EPHX2: variants seen among roughly 807,000 people sequenced by gnomAD.
The protein encoded by EPHX2 is bifunctional epoxide hydrolase 2.
EPHX2 carries 74 observed loss-of-function variants against 78.7 expected under a neutral mutation model. That is an observed-to-expected ratio of 0.94 (90% CI 0.78 to 1.14). EPHX2 has a LOEUF of 1.14. Among genes scored for constraint, EPHX2 ranks in the 50% most tolerant of loss-of-function variants. The probability of loss-of-function intolerance (pLI) is 0.00; values close to 1 mark genes in which losing one functional copy is unlikely to be tolerated. For missense variants in EPHX2, 715 were observed against 702.5 expected, an observed-to-expected ratio of 1.02 and a Z score of -0.20; for synonymous variants, 251 against 255.2, an observed-to-expected ratio of 0.98 and a Z score of 0.16.
rs762916759 is a variant in EPHX2 at position 27,503,795 on chromosome 8, G to A, written c.346+32G>A. Reference sequence around the variant, plus strand: ...ATCTGATACTGGCCAATCTCAGGCCGAACCACCCAGAACCCTCGGGAGCAT... The same window carrying A: ...ATCTGATACTGGCCAATCTCAGGCCAAACCACCCAGAACCCTCGGGAGCAT... On this transcript the variant is annotated intron_variant, in intron 3 of 18. Transcript: ENST00000521400. 2.1e-5 allele frequency: 33 copies of A among 1,589,940 alleles called. 1 individual carries two copies. Among genetic ancestry groups the A allele is most frequent in the South Asian group, 1.3e-4 (12 of 90,280 alleles).
intron 6 of EPHX2, 139 bp downstream of exon 6, chr8:27,512,049 G>A (rs1814270617): frequency 7.3e-6 from 5 of 682,246 alleles, no homozygotes; most frequent in Admixed American, 2.1e-5. Context: ...AGTGAGCTGT[G>A]ATCACACCAC....
intron 1 of EPHX2, among the ~76,000 whole-genome samples, chr8:27,492,535 T>TA (rs1813416695): frequency 6.6e-6 from 1 of 152,022 alleles, no homozygotes; most frequent in African/African-American, 2.4e-5. Flanking sequence ...CAGTGAGTGT[T>TA]ACACTCGTAA....
intron 4 of EPHX2, among the ~76,000 whole-genome samples, chr8:27,506,145 T>A (rs922782991): frequency 6.6e-6 from 1 of 152,138 alleles, no homozygotes; most frequent in African/African-American, 2.4e-5. Context: ...CATACCACCA[T>A]GCATGGCTAA....
At chr8:27,534,155 A>G (rs1387757320) in intron 12 of EPHX2, among the ~76,000 whole-genome samples, 1 of 152,204 alleles carries the variant, frequency 6.6e-6, no homozygotes, top group Non-Finnish European at 1.5e-5. Context: ...ATTCATCATC[A>G]TGTTGCGGAA....
rs143796887 is a variant in EPHX2, at chr8:27,534,288, T to A, written c.1171-2496T>A. Among the ~76,000 whole-genome samples, 273 of 152,290 alleles carry A rather than the reference T, an allele frequency of 1.8e-3. 1 individual carries two copies. Among genetic ancestry groups the A allele is most frequent in the South Asian group, 0.015 (72 of 4,824 alleles). The stretch of plus-strand genomic sequence containing the variant: ...ATCCAGCACCGCCAGATGATCAATG[T>A]CTCCATTCTTCTGTGCTGCCACTGC... On this transcript the variant is annotated intron_variant, in intron 12 of 18. Coordinates refer to ENST00000521400, the MANE Select transcript of EPHX2 (RefSeq NM_001979.6).
chr8:27,542,822 A>G (rs1367927459), intron 16 of EPHX2, among the ~76,000 whole-genome samples: 10 of 152,000 alleles, frequency 6.6e-5, no homozygotes, highest in African/African-American at 2.4e-4. Context: ...TTTGTGTTTT[A>G]GTAGAGATGG....
At chr8:27,532,113 C>T (rs1255998265) in intron 12 of EPHX2, among the ~76,000 whole-genome samples, 2 of 152,114 alleles carry the variant, frequency 1.3e-5, no homozygotes, top group African/African-American at 2.4e-5. Context: ...CCCCACCCTG[C>T]GGTTGGCACA....
intron 5 of EPHX2, among the ~76,000 whole-genome samples, chr8:27,509,215 G>T (rs368657680): frequency 1.6e-3 from 250 of 152,044 alleles, no homozygotes; most frequent in African/African-American, 5.4e-3. Flanking sequence ...CTTCCTTTTT[G>T]GGATAGAATA....
In EPHX2 at chr8:27,525,415, C is replaced by A. The variant is rs1421966809; in HGVS notation, c.1112C>A (p.Pro371His). Residue 371 changes from proline (P) to histidine (H), a missense_variant, in exon 12 of 19, where the codon CCT becomes CAT. By Grantham distance (77) the Pro-to-His change is moderately conservative. Coordinates refer to ENST00000521400, the MANE Select transcript of EPHX2 (RefSeq NM_001979.6). ...ATACCAGCAAATCCCAACATGTCCC[C>A]TTTGGAGAGTATCAAAGCCAACCCA... Reference protein sequence around the residue: ...PFIPANPNMSPLESIKANPVF... With the variant: ...PFIPANPNMSHLESIKANPVF... The A allele has an allele frequency of 6.2e-7, 1 of 1,614,156 alleles. No individual in the cohort carries two copies. Among genetic ancestry groups the A allele is most frequent in the Admixed American group, 1.7e-5 (1 of 60,018 alleles).
chr8:27,525,368 G>A lies in EPHX2; in HGVS notation c.1065G>A (p.Val355=). Residue 355 remains valine, a synonymous_variant, in exon 12 of 19, where the codon GTG becomes GTA. Transcript: ENST00000521400. ...ALFYPERVRA[V]ASLNTPFIPA... ...CTGCCTCTTATTTCTGTAGGGCGGT[G>A]GCCAGTTTGAATACTCCCTTCATAC... The A allele has an allele frequency of 6.2e-7, 1 of 1,613,982 alleles. No individual in the cohort carries two copies. Among genetic ancestry groups the A allele is most frequent in the East Asian group, 2.2e-5 (1 of 44,858 alleles).
intron 9 of EPHX2, among the ~76,000 whole-genome samples, chr8:27,519,379 G>A (rs2132752781): frequency 6.6e-6 from 1 of 152,356 alleles, no homozygotes; most frequent in East Asian, 1.9e-4. Flanking sequence ...TCAGGACAGT[G>A]GGTGGTGGGG....
At chr8:27,503,564 G>C in intron 2 of EPHX2, 40 bp from the exon 3 acceptor site, 2 of 1,568,172 alleles carry the variant, frequency 1.3e-6, no homozygotes, top group Non-Finnish European at 1.7e-6. Context: ...GAGCTTTTCT[G>C]AGTGGCCATA....
chr8:27,517,795 CAG>C (rs147876554), intron 8 of EPHX2, among the ~76,000 whole-genome samples: 2,349 of 152,258 alleles, frequency 0.015, 54 homozygotes, highest in African/African-American at 0.054. Flanking sequence ...GAAGAAAACA[CAG>C]GGGGAAAGCT....
chr8:27,529,417 G>A (rs1814957332), intron 12 of EPHX2, among the ~76,000 whole-genome samples: 1 of 152,136 alleles, frequency 6.6e-6, no homozygotes. Flanking sequence ...CACTTGGCCT[G>A]GGGGATACTC....
In EPHX2 at chr8:27,503,625, A is replaced by G; in HGVS notation, c.208A>G (p.Asn70Asp). The stretch of plus-strand genomic sequence containing the variant: ...ACAGTGGATACCACTCATGGAAGAA[A>G]ACTGCAGGAAGTGCTCCGAGACCGC... ...LSQWIPLMEE[N>D]CRKCSETAKV... is the part of the protein sequence containing the mutation. The change falls in exon 3 of 19, where the codon AAC (asparagine) becomes GAC (aspartate). Residue 70 changes from asparagine to aspartate, a missense_variant. Physicochemically the swap from Asn to Asp is conservative, Grantham distance 23 (BLOSUM62 1). Transcript: ENST00000521400. 4 of 1,612,444 alleles carry G rather than the reference A, an allele frequency of 2.5e-6. No individual in the cohort carries two copies. The highest frequency in any genetic ancestry group is 3.4e-6 in the Non-Finnish European group (4 of 1,179,318).
At chr8:27,546,789 A>G (rs1344203646), downstream of EPHX2, among the ~76,000 whole-genome samples, 2 of 152,240 alleles carry the variant, frequency 1.3e-5, no homozygotes, top group African/African-American at 2.4e-5. Context: ...TGGTTATACA[A>G]GATTGAGGGC....
intron 10 of EPHX2, among the ~76,000 whole-genome samples, chr8:27,521,534 CAGAG>C (rs1192446511): frequency 6.6e-6 from 1 of 152,188 alleles, no homozygotes; most frequent in Non-Finnish European, 1.5e-5. Flanking sequence ...ATGTGGGAGT[CAGAG>C]AGGATCTAGG....
intron 5 of EPHX2, among the ~76,000 whole-genome samples, chr8:27,508,361 T>A (rs1248081760): frequency 6.6e-6 from 1 of 152,128 alleles, no homozygotes; most frequent in East Asian, 1.9e-4. Flanking sequence ...ATTTTGAGAG[T>A]GATACAGTTT....
chr8:27,525,229 C>G, intron 11 of EPHX2, 133 bp from the exon 12 acceptor site: 1 of 718,180 alleles, frequency 1.4e-6, no homozygotes, highest in South Asian at 1.9e-5. Context: ...TTCTCCCATT[C>G]ACTGCTAGTG....
Sources: allele counts gnomAD v4.1 joint callset (sites outside exome capture counted in the v4.1 genomes callset), GRCh38; gene constraint gnomAD v4.1.1; transcripts MANE v1.5; gene names NCBI Gene and HGNC (gene_info 2026-07-23, HGNC 2026-07-21).